The following ABCC4 variants were observed in gnomAD, a reference collection of about 807,000 sequenced individuals.
ABCC4 encodes the protein ATP binding cassette subfamily C member 4 (PEL blood group).
Under a neutral mutation model 168.5 loss-of-function variants are expected in ABCC4, and 102 were observed. The ratio of observed to expected loss-of-function variants is 0.61; its 90% CI spans 0.52 to 0.71. ABCC4 has a LOEUF of 0.71. ABCC4 is among the 30% of genes least tolerant of loss of function. The pLI, the probability that ABCC4 is intolerant of heterozygous loss-of-function variation, is 0.00. For missense variants in ABCC4, 1,402 were observed against 1,605.8 expected, an observed-to-expected ratio of 0.87 and a Z score of 2.17; for synonymous variants, 617 against 590.7, an observed-to-expected ratio of 1.04 and a Z score of -0.65.
intron 27 of ABCC4, among the ~76,000 whole-genome samples, chr13:95,052,757 C>G (rs2032895377): frequency 6.6e-6 from 1 of 152,156 alleles, no homozygotes; most frequent in Non-Finnish European, 1.5e-5. Context: ...AAGAACAGAG[C>G]AGTAAAATAA....
intron 27 of ABCC4, among the ~76,000 whole-genome samples, chr13:95,046,926 C>T (rs74105405): frequency 0.014 from 2,175 of 152,228 alleles, 45 homozygotes; most frequent in African/African-American, 0.049. Flanking sequence ...AATGGTATTA[C>T]ATTACTCTTC....
intron 13 of ABCC4, among the ~76,000 whole-genome samples, chr13:95,174,715 G>C (rs2037607337): frequency 6.6e-6 from 1 of 152,178 alleles, no homozygotes; most frequent in African/African-American, 2.4e-5. Context: ...ATTGTTGTTT[G>C]AGTGATAAAG....
At chr13:95,126,723 A>G (rs2035775777) in intron 19 of ABCC4, among the ~76,000 whole-genome samples, 1 of 48,046 alleles carries the variant, frequency 2.1e-5, no homozygotes, top group Non-Finnish European at 4.4e-5. Context: ...TTTTTGGAAT[A>G]TATATATATA....
intron 13 of ABCC4, among the ~76,000 whole-genome samples, chr13:95,176,433 T>C (rs1466810952): frequency 6.6e-6 from 1 of 152,034 alleles, no homozygotes; most frequent in Non-Finnish European, 1.5e-5. Context: ...AGGTCGAGGC[T>C]GCAGTGAGCT....
At chr13:95,219,831 C>G (rs553732239) in intron 4 of ABCC4, among the ~76,000 whole-genome samples, 122 of 150,630 alleles carry the variant, frequency 8.1e-4, no homozygotes, top group African/African-American at 2.8e-3. Context: ...TTTTAAAAAT[C>G]TTTTTTATCA....
rs1283031547 is a variant in ABCC4, at chr13:95,290,136, A to ATAGC, written c.74+11104_74+11105insGCTA. Among the ~76,000 whole-genome samples, 3 of 151,888 alleles carry ATAGC rather than the reference A, an allele frequency of 2.0e-5. No homozygotes were observed. In the East Asian group the frequency reaches 5.8e-4, roughly 29 times the overall value. On this transcript the variant is annotated intron_variant, in intron 1 of 30. Coordinates refer to ENST00000645237, the MANE Select transcript of ABCC4 (RefSeq NM_005845.5). ...GATAGATAGATAGATAGATAGATAGATAGATAGATAGATGATAGATAGATA... is the reference window on the plus strand; with the variant it reads ...GATAGATAGATAGATAGATAGATAGATAGCTAGATAGATAGATGATAGATAGATA...
chr13:95,298,991 C>T (rs895020717), intron 1 of ABCC4, among the ~76,000 whole-genome samples: 1 of 152,080 alleles, frequency 6.6e-6, no homozygotes, highest in African/African-American at 2.4e-5. Flanking sequence ...GCAGGAGTCA[C>T]ATCTGTAATC....
intron 19 of ABCC4, among the ~76,000 whole-genome samples, chr13:95,158,071 CA>C (rs35037278): frequency 0.32 from 27,302 of 84,592 alleles, 3,439 homozygotes; most frequent in African/African-American, 0.51. Context: ...GACTCCGTCT[CA>C]AAAAAAAAAA....
chr13:95,134,941 AC>A (rs1353545141), intron 19 of ABCC4, among the ~76,000 whole-genome samples: 1 of 152,040 alleles, frequency 6.6e-6, no homozygotes, highest in African/African-American at 2.4e-5. Flanking sequence ...GGAAAAACAG[AC>A]CCTAAATTAC....
At chr13:95,044,181 A>C in intron 28 of ABCC4, 85 bp downstream of exon 28, 1 of 1,301,594 alleles carries the variant, frequency 7.7e-7, no homozygotes, top group Non-Finnish European at 1.0e-6. Flanking sequence ...CAGAGCACTT[A>C]GAAATATTTC....
intron 3 of ABCC4, among the ~76,000 whole-genome samples, chr13:95,244,669 G>GAAAGAAAGAAAGAAAGAAAT (rs780621852): frequency 1.2e-4 from 8 of 68,006 alleles, no homozygotes; most frequent in African/African-American, 3.0e-4. Context: ...AAGAAAGAAA[G>GAAAGAAAGAAAGAAAGAAAT]AAATCATAGC....
intron 4 of ABCC4, among the ~76,000 whole-genome samples, chr13:95,214,051 T>C (rs2039041115): frequency 2.0e-5 from 3 of 152,092 alleles, no homozygotes; most frequent in South Asian, 4.1e-4. Context: ...AAAAATATGG[T>C]TATAACAAGT....
intron 1 of ABCC4, among the ~76,000 whole-genome samples, chr13:95,254,203 G>C (rs904225211): frequency 6.6e-6 from 1 of 152,120 alleles, no homozygotes; most frequent in Admixed American, 6.5e-5. Context: ...TGGCCTAAAG[G>C]GGGTTTTATA....
intron 1 of ABCC4, among the ~76,000 whole-genome samples, chr13:95,253,395 G>A (rs1034796276): frequency 1.3e-5 from 2 of 152,026 alleles, no homozygotes; most frequent in Non-Finnish European, 2.9e-5. Context: ...CCAACAACAT[G>A]CTGGGCACAT....
At chr13:95,138,910 T>G (rs762286788) in intron 19 of ABCC4, among the ~76,000 whole-genome samples, 5 of 152,214 alleles carry the variant, frequency 3.3e-5, no homozygotes, top group Non-Finnish European at 7.3e-5. Flanking sequence ...CTCCTTTCCC[T>G]TACCTCCAGG....
chr13:95,112,504 T>C (rs986829906), intron 20 of ABCC4, among the ~76,000 whole-genome samples: 18 of 152,232 alleles, frequency 1.2e-4, no homozygotes, highest in Non-Finnish European at 8.8e-5. Flanking sequence ...TCCCTTTTTA[T>C]GAAGATACCT....
intron 19 of ABCC4, among the ~76,000 whole-genome samples, chr13:95,124,182 A>T (rs1345037258): frequency 2.0e-5 from 3 of 152,186 alleles, no homozygotes; most frequent in Non-Finnish European, 4.4e-5. Flanking sequence ...GAGGGGCACA[A>T]GTGCAGTTTG....
At chr13:95,254,510 A>C (rs1052745307) in intron 1 of ABCC4, among the ~76,000 whole-genome samples, 2 of 152,138 alleles carry the variant, frequency 1.3e-5, no homozygotes, top group Admixed American at 1.3e-4. Flanking sequence ...ACACCTTTTC[A>C]TCCCACAAAA....
At chr13:95,085,613 G>A (rs1262675625) in intron 20 of ABCC4, among the ~76,000 whole-genome samples, 2 of 152,114 alleles carry the variant, frequency 1.3e-5, no homozygotes, top group African/African-American at 4.8e-5. Context: ...TGCTTGCTGC[G>A]GGAACACAGG....
Sources: gnomAD v4.1 joint callset for allele counts (sites outside exome capture counted in the v4.1 genomes callset) on GRCh38, gnomAD v4.1.1 for gene constraint, MANE v1.5 for transcripts, NCBI Gene and HGNC (gene_info 2026-07-23, HGNC 2026-07-21) for gene names.